The following STK32B variants were observed in gnomAD, a reference collection of about 807,000 sequenced individuals.
STK32B encodes serine/threonine-protein kinase 32B.
Under a neutral mutation model 52.6 loss-of-function variants are expected in STK32B, and 43 were observed. That is an observed-to-expected ratio of 0.82 (90% confidence interval 0.64 to 1.05). The LOEUF is 1.05. Ranked by LOEUF, STK32B falls within the 50% of genes least tolerant of loss-of-function variation. The pLI, the probability that STK32B is intolerant of heterozygous loss-of-function variation, is 0.00. For missense variants in STK32B, 621 were observed against 534.6 expected (o/e 1.16, Z -1.59); for synonymous variants, 238 against 204.3 (o/e 1.17, Z -1.41).
intron 1 of STK32B, among the ~76,000 whole-genome samples, chr4:5,098,683 C>T (rs1713534133): frequency 6.6e-6 from 1 of 152,324 alleles, no homozygotes; most frequent in Non-Finnish European, 1.5e-5. Flanking sequence ...ATTCTAATAT[C>T]CAGTTTCTGA....
intron 11 of STK32B, among the ~76,000 whole-genome samples, chr4:5,492,483 A>T (rs1012796460): frequency 1.3e-5 from 2 of 151,944 alleles, no homozygotes; most frequent in Non-Finnish European, 2.9e-5. Flanking sequence ...GGGCTGAGAC[A>T]ATGGGGTTTT....
At chr4:5,143,101 C>CTCTGTCTGTCTGTCTGTCTGTCTGTCTG (rs3072779) in intron 2 of STK32B, among the ~76,000 whole-genome samples, 4 of 135,690 alleles carry the variant, frequency 2.9e-5, no homozygotes. Context: ...CTGTCTCTGT[C>CTCTGTCTGTCTGTCTGTCTGTCTGTCTG]TCTGTCTGTC....
At chr4:5,441,641 G>C (rs1293068974) in intron 6 of STK32B, among the ~76,000 whole-genome samples, 6 of 151,984 alleles carry the variant, frequency 3.9e-5, no homozygotes, top group Admixed American at 3.9e-4. Flanking sequence ...CTTGCCTTCT[G>C]CTAGCTTTTG....
intron 4 of STK32B, among the ~76,000 whole-genome samples, chr4:5,372,720 TG>T (rs5855850): frequency 0.21 from 26,111 of 126,822 alleles, 2,429 homozygotes; most frequent in East Asian, 0.24. Flanking sequence ...AGGAGAAAGT[TG>T]GGGGGGGGGG....
At chr4:5,083,525 G>A (rs181640282) in intron 1 of STK32B, among the ~76,000 whole-genome samples, 152 of 152,198 alleles carry the variant, frequency 1.0e-3, no homozygotes, top group Non-Finnish European at 2.5e-4. Context: ...ACTTCATATA[G>A]CCCCTTACAC....
At chr4:5,498,179 AAAC>A (rs1320496615) in intron 11 of STK32B, among the ~76,000 whole-genome samples, 1 of 152,208 alleles carries the variant, frequency 6.6e-6, no homozygotes, top group Admixed American at 6.5e-5. Flanking sequence ...CTGCCTCCTT[AAAC>A]GTCTCCATTC....
chr4:5,180,253 G>A (rs1456141674), intron 3 of STK32B, among the ~76,000 whole-genome samples: 8 of 152,210 alleles, frequency 5.3e-5, no homozygotes, highest in African/African-American at 1.7e-4. Flanking sequence ...GACTCAGACA[G>A]ACTCACCATG....
intron 3 of STK32B, among the ~76,000 whole-genome samples, chr4:5,258,130 G>C (rs1726456366): frequency 6.6e-6 from 1 of 152,156 alleles, no homozygotes; most frequent in Non-Finnish European, 1.5e-5. Flanking sequence ...ACAGCACCTA[G>C]CGGATAGTCA....
intron 3 of STK32B, among the ~76,000 whole-genome samples, chr4:5,269,185 G>A (rs1162740260): frequency 1.3e-5 from 2 of 152,306 alleles, no homozygotes; most frequent in African/African-American, 4.8e-5. Flanking sequence ...GTGCTGATCA[G>A]TGGATGTGTG....
rs182548531 is a variant in STK32B, at chr4:5,193,724, T to C, written c.260+25274T>C. ...CACATATGTGAAACTAGAAGAAATA[T>C]CTTGGAAGGTGATGACACGAGGGCC... On this transcript the variant is annotated intron_variant, in intron 3 of 11. Coordinates refer to ENST00000282908, the MANE Select transcript of STK32B (RefSeq NM_018401.3). Among the ~76,000 whole-genome samples the C allele has an allele frequency of 2.6e-5, 4 of 152,366 alleles. No individual in the cohort carries two copies. The East Asian group carries it at 5.8e-4, about 22-fold the overall frequency.
intron 6 of STK32B, among the ~76,000 whole-genome samples, chr4:5,444,004 A>G (rs985915810): frequency 2.0e-5 from 3 of 152,204 alleles, no homozygotes; most frequent in Non-Finnish European, 4.4e-5. Context: ...CTCTCTTCAA[A>G]GCTGTCAGAC....
intron 4 of STK32B, among the ~76,000 whole-genome samples, chr4:5,341,528 G>A (rs551812508): frequency 5.6e-4 from 85 of 152,156 alleles, no homozygotes; most frequent in Admixed American, 1.2e-3. Context: ...CTTTCTTCCT[G>A]GCATGTAATC....
At chr4:5,020,142 C>G in the STK32B span, among the ~76,000 whole-genome samples, 1 of 152,144 alleles carries the variant, frequency 6.6e-6, no homozygotes, top group Admixed American at 6.5e-5. Context: ...GCACAGGCCC[C>G]GAGGGAGAGC....
At chr4:5,230,427 TGATCCACCC>T (rs1191984827) in intron 3 of STK32B, among the ~76,000 whole-genome samples, 16 of 152,006 alleles carry the variant, frequency 1.1e-4, no homozygotes, top group Admixed American at 1.0e-3. Flanking sequence ...TAACCTCAGC[TGATCCACCC>T]GCTTTGGCCT....
chr4:5,222,972 G>T (rs1456975937), intron 3 of STK32B, among the ~76,000 whole-genome samples: 1 of 152,210 alleles, frequency 6.6e-6, no homozygotes, highest in Non-Finnish European at 1.5e-5. Context: ...CAGGCCCAGA[G>T]TGCCAGGGCC....
Position 5,256,225 on chromosome 4 carries a change from T to C in STK32B, c.261-74995T>C, listed in dbSNP as rs1261859195. Among the ~76,000 whole-genome samples, 4 of 152,300 alleles carry C rather than the reference T, an allele frequency of 2.6e-5. No homozygotes were observed. In the South Asian group the frequency reaches 6.2e-4, roughly 24 times the overall value. ...TGGCCTCTGATCACCACATGGCACT[T>C]GCAGATGTTTCATCTCACAAGCTTA... On this transcript the variant is annotated intron_variant, in intron 3 of 11. Transcript: ENST00000282908.
Position 5,364,814 on chromosome 4 carries a change from C to T in STK32B, c.435-33393C>T, listed in dbSNP as rs115993312. ...CAGGCCTCCATGTGTTCACAATGGT[C>T]TTTCAGCCTGAATGTCTCACTTCTA... On this transcript the variant is annotated intron_variant, in intron 4 of 11. Coordinates refer to ENST00000282908, the MANE Select transcript of STK32B (RefSeq NM_018401.3). Among the ~76,000 whole-genome samples the T allele has an allele frequency of 7.0e-3, 1,061 of 152,320 alleles. 8 individuals carry two copies. The highest frequency in any genetic ancestry group is 0.024 in the African/African-American group (1,011 of 41,574).
intron 4 of STK32B, among the ~76,000 whole-genome samples, chr4:5,389,134 C>T: frequency 6.6e-6 from 1 of 152,184 alleles, no homozygotes; most frequent in East Asian, 1.9e-4. Flanking sequence ...CATTATTAGG[C>T]TGTGTGTACA....
At chr4:5,202,201 C>G (rs1489520663) in intron 3 of STK32B, among the ~76,000 whole-genome samples, 1 of 152,230 alleles carries the variant, frequency 6.6e-6, no homozygotes. Context: ...AACAGGCATG[C>G]AAGTCTGAAA....
Sources: allele counts gnomAD v4.1 joint callset (sites outside exome capture counted in the v4.1 genomes callset), GRCh38; gene constraint gnomAD v4.1.1; transcripts MANE v1.5; gene names NCBI Gene and HGNC (gene_info 2026-07-23, HGNC 2026-07-21).